Variants in TUBGCP3 observed in about 807,000 individuals in gnomAD.
TUBGCP3 encodes gamma-tubulin complex component 3.
In TUBGCP3, 50 loss-of-function variants were observed where a neutral mutation model predicts 123.1. The observed-to-expected ratio is 0.41, with a 90% confidence interval of 0.32 to 0.51. TUBGCP3 has a LOEUF of 0.51. Ranked by LOEUF, TUBGCP3 falls within the 20% of genes least tolerant of loss-of-function variation. The pLI, the probability that TUBGCP3 is intolerant of heterozygous loss-of-function variation, is 0.36. For missense variants in TUBGCP3, 882 were observed against 1,127.0 expected, an observed-to-expected ratio of 0.78 and a Z score of 3.11; for synonymous variants, 405 against 413.9, an observed-to-expected ratio of 0.98 and a Z score of 0.26.
intron 1 of TUBGCP3, among the ~76,000 whole-genome samples, chr13:112,583,304 AT>A (rs1344093111): frequency 3.3e-5 from 5 of 152,234 alleles, no homozygotes; most frequent in African/African-American, 1.2e-4. Flanking sequence ...AATGCACCCA[AT>A]TTTTAACCTT....
chr13:112,599,755 G>A, the TUBGCP3 span, among the ~76,000 whole-genome samples: 25,537 of 151,912 alleles, frequency 0.17, 3,358 homozygotes, highest in African/African-American at 0.36. Context: ...TCCTGACCTC[G>A]TGATCCGCCT....
chr13:112,499,002 T>C (rs1880710774), intron 20 of TUBGCP3, 43 bp downstream of exon 20: 6 of 1,614,094 alleles, frequency 3.7e-6, no homozygotes, highest in Non-Finnish European at 5.1e-6. Context: ...TGGCAAGGAG[T>C]TCATTATTCA....
In TUBGCP3 at chr13:112,507,558, G is replaced by A. The variant is rs753283632; in HGVS notation, c.2087-2844C>T. ...TACAGAAGCATACAAATTTTTTGTG[G>A]CTATTCTCCATTTTCTAGCTCCTGC... On this transcript the variant is annotated intron_variant, in intron 17 of 21. Coordinates refer to ENST00000261965, the MANE Select transcript of TUBGCP3 (RefSeq NM_006322.6). Among the ~76,000 whole-genome samples, 66 of 152,254 alleles carry A rather than the reference G, an allele frequency of 4.3e-4. 1 individual carries two copies. Among genetic ancestry groups the A allele is most frequent in the Admixed American group, 2.6e-3 (39 of 15,290 alleles).
intron 17 of TUBGCP3, among the ~76,000 whole-genome samples, chr13:112,505,581 T>C (rs1881238666): frequency 6.6e-6 from 1 of 152,230 alleles, no homozygotes; most frequent in African/African-American, 2.4e-5. Context: ...AATGCATACT[T>C]TTTAAAAAAT....
chr13:112,571,272 C>A (rs894944858), intron 1 of TUBGCP3, among the ~76,000 whole-genome samples: 2 of 152,160 alleles, frequency 1.3e-5, no homozygotes, highest in African/African-American at 2.4e-5. Context: ...ATGTGTTTCT[C>A]AAGTGATAAG....
chr13:112,573,743 C>T (rs1361195916), intron 1 of TUBGCP3, among the ~76,000 whole-genome samples: 1 of 152,246 alleles, frequency 6.6e-6, no homozygotes, highest in Non-Finnish European at 1.5e-5. Flanking sequence ...GATAGCCTGC[C>T]TGTCTGCCCA....
At chr13:112,590,750 A>C (rs1882869245), upstream of TUBGCP3, among the ~76,000 whole-genome samples, 2 of 152,228 alleles carry the variant, frequency 1.3e-5, no homozygotes, top group South Asian at 4.1e-4. Context: ...CATTGTGCCT[A>C]TCACCCCAGT....
chr13:112,549,301 C>G (rs1208674403), intron 8 of TUBGCP3, among the ~76,000 whole-genome samples: 1 of 145,530 alleles, frequency 6.9e-6, no homozygotes, highest in Non-Finnish European at 1.5e-5. Flanking sequence ...CACTTGGACA[C>G]AGGGTGGGGA....
intron 20 of TUBGCP3, among the ~76,000 whole-genome samples, chr13:112,494,721 G>A (rs556925068): frequency 7.9e-5 from 12 of 152,164 alleles, no homozygotes; most frequent in Admixed American, 2.0e-4. Flanking sequence ...TCACATCCTC[G>A]CCAGCATTTG....
Position 112,485,162 on chromosome 13 carries a change from G to A in TUBGCP3, c.*831C>T, listed in dbSNP as rs1174906245. ...TATAAATATTTACAATGAAAAAATA[G>A]GCAAGGAAAAAGGAAATCTTCATTA... On this transcript the variant is annotated 3_prime_UTR_variant, in exon 22 of 22. Transcript: ENST00000261965. 2 of 150,234 alleles carry A rather than the reference G, an allele frequency of 1.3e-5. No homozygotes were observed. The highest frequency in any genetic ancestry group is 6.7e-5 in the Admixed American group (1 of 15,008). 9.3% of individuals were successfully genotyped at this position (150,234 alleles called of 1,614,324 possible). A position where few individuals can be genotyped will look rare whatever the true frequency, so the allele number is the denominator to read the frequency against.
intron 2 of TUBGCP3, among the ~76,000 whole-genome samples, chr13:112,568,663 C>T (rs1262946869): frequency 2.6e-5 from 4 of 152,232 alleles, no homozygotes; most frequent in South Asian, 2.1e-4. Flanking sequence ...CTGACCTTCG[C>T]GCAGGCCTCT....
intron 1 of TUBGCP3, among the ~76,000 whole-genome samples, chr13:112,581,923 T>A (rs186212598): frequency 1.1e-3 from 175 of 152,350 alleles, no homozygotes; most frequent in Non-Finnish European, 1.9e-3. Flanking sequence ...ATGGATGTCA[T>A]CATTTCACCC....
Position 112,519,083 on chromosome 13 carries a change from C to T in TUBGCP3, c.1882-40G>A, listed in dbSNP as rs1008810757. 1 of 1,524,684 alleles carries T rather than the reference C, an allele frequency of 6.6e-7. No homozygotes were observed. Among genetic ancestry groups the T allele is most frequent in the East Asian group, 2.2e-5 (1 of 44,484 alleles). The allele number at this position is 1,524,684 out of a possible 1,614,324, so 94.4% of individuals were successfully genotyped here. A position where few individuals can be genotyped will look rare whatever the true frequency, so the allele number is the denominator to read the frequency against. ...AAACACATAATTGCAAGACCTTAAG[C>T]TTCTTGCTGAAGAACTTGTTAACGC... On this transcript the variant is annotated intron_variant, in intron 15 of 21. Transcript: ENST00000261965. The surrounding 1 kb of genome is among the most constrained non-coding windows in gnomAD (Gnocchi z 6.2).
At chr13:112,556,848 A>G (rs562893887) in intron 5 of TUBGCP3, among the ~76,000 whole-genome samples, 1 of 152,358 alleles carries the variant, frequency 6.6e-6, no homozygotes, top group South Asian at 2.1e-4. Context: ...GAAAAATGTA[A>G]GAACCTCATA....
At chr13:112,578,792 G>A (rs973346360) in intron 1 of TUBGCP3, among the ~76,000 whole-genome samples, 6 of 151,922 alleles carry the variant, frequency 3.9e-5, no homozygotes, top group South Asian at 2.1e-4. Flanking sequence ...ACCCACTTTC[G>A]CTCTCAAACT....
At chr13:112,579,379 G>A (rs1280073712) in intron 1 of TUBGCP3, among the ~76,000 whole-genome samples, 1 of 139,934 alleles carries the variant, frequency 7.1e-6, no homozygotes. Context: ...ATGCCCGCGG[G>A]GCCACGGCAT....
intron 2 of TUBGCP3, 89 bp from the exon 3 acceptor site, chr13:112,565,267 G>A (rs937643468): frequency 2.5e-5 from 28 of 1,128,054 alleles, no homozygotes; most frequent in Non-Finnish European, 3.3e-5. Flanking sequence ...ACCATAACTC[G>A]CAAGTGATGA....
chr13:112,544,144 G>GA, intron 11 of TUBGCP3, among the ~76,000 whole-genome samples: 1 of 152,326 alleles, frequency 6.6e-6, no homozygotes, highest in African/African-American at 2.4e-5. Flanking sequence ...CAACGTGGCA[G>GA]AAGCAGTTTA....
At chr13:112,579,151 A>G (rs543718139) in intron 1 of TUBGCP3, among the ~76,000 whole-genome samples, 1 of 141,814 alleles carries the variant, frequency 7.1e-6, no homozygotes, top group South Asian at 2.1e-4. Context: ...AGACATATGA[A>G]TGGCAAACAC....
Sources: gnomAD v4.1 joint callset for allele counts (sites outside exome capture counted in the v4.1 genomes callset) on GRCh38, gnomAD v4.1.1 for gene constraint, Gnocchi (gnomAD v3.1) non-coding constraint, MANE v1.5 for transcripts, NCBI Gene and HGNC (gene_info 2026-07-23, HGNC 2026-07-21) for gene names.